The following FBXL20 variants were observed in gnomAD, a reference collection of about 807,000 sequenced individuals.
FBXL20 encodes the protein F-box/LRR-repeat protein 20.
Under a neutral mutation model 64.0 loss-of-function variants are expected in FBXL20, and 11 were observed. The ratio of observed to expected loss-of-function variants is 0.17; its 90% CI spans 0.11 to 0.28. The LOEUF is 0.28. Ranked by LOEUF, FBXL20 falls within the 10% of genes least tolerant of loss-of-function variation. FBXL20 has a pLI of 1.00. For missense variants in FBXL20, 303 were observed against 526.2 expected (o/e 0.58, Z 4.15); for synonymous variants, 184 against 189.0 (o/e 0.97, Z 0.22).
At chr17:39,276,310 G>A (rs921381285) in intron 9 of FBXL20, among the ~76,000 whole-genome samples, 1 of 146,454 alleles carries the variant, frequency 6.8e-6, no homozygotes, top group Non-Finnish European at 1.5e-5. Flanking sequence ...AAGAAAGGAA[G>A]AAAGAAAGAA....
intron 1 of FBXL20, among the ~76,000 whole-genome samples, chr17:39,379,408 C>A (rs943865394): frequency 6.9e-6 from 1 of 144,958 alleles, no homozygotes; most frequent in Admixed American, 7.1e-5. Flanking sequence ...GAGGCTGAGG[C>A]GAGGGGATCG....
intron 1 of FBXL20, among the ~76,000 whole-genome samples, chr17:39,395,040 G>A (rs748424664): frequency 6.6e-6 from 1 of 152,132 alleles, no homozygotes; most frequent in Non-Finnish European, 1.5e-5. Context: ...AAAAGAGATG[G>A]ATTTTTTTAA....
At chr17:39,355,353 C>T (rs2047725666) in intron 1 of FBXL20, among the ~76,000 whole-genome samples, 2 of 151,986 alleles carry the variant, frequency 1.3e-5, no homozygotes, top group Middle Eastern at 3.4e-3. Flanking sequence ...GCTGGGATTG[C>T]AGGCATGAGC....
At position 39,254,712 on chromosome 17, in the gene FBXL20, T is replaced by C. The variant is rs1241727999; in HGVS notation, c.*6748A>G. 6.5e-6 allele frequency: 1 copy of C among 154,540 alleles called. No individual in the cohort carries two copies. The highest frequency in any genetic ancestry group is 1.5e-5 in the Non-Finnish European group (1 of 68,216). The allele number at this position is 154,540 out of a possible 1,614,324, so 9.6% of individuals were successfully genotyped here. A position where few individuals can be genotyped will look rare whatever the true frequency, so the allele number is the denominator to read the frequency against. On this transcript the variant is annotated 3_prime_UTR_variant, in exon 15 of 15. Coordinates refer to ENST00000264658, the MANE Select transcript of FBXL20 (RefSeq NM_032875.3). ...CACTATGTATTCAAGACAGATGCTGTACCTGAGGCAAAGTACCCCAATTCT... is the reference window on the plus strand; with the variant it reads ...CACTATGTATTCAAGACAGATGCTGCACCTGAGGCAAAGTACCCCAATTCT...
intron 1 of FBXL20, among the ~76,000 whole-genome samples, chr17:39,364,353 C>T (rs922312901): frequency 1.3e-5 from 2 of 152,178 alleles, no homozygotes; most frequent in Non-Finnish European, 2.9e-5. Flanking sequence ...TGGCTCACGC[C>T]TGTAATCCCA....
At chr17:39,301,514 G>C (rs2047135084) in intron 3 of FBXL20, among the ~76,000 whole-genome samples, 1 of 151,568 alleles carries the variant, frequency 6.6e-6, no homozygotes, top group African/African-American at 2.4e-5. Context: ...GATCACCTGA[G>C]GTCAAGAGTT....
intron 1 of FBXL20, among the ~76,000 whole-genome samples, chr17:39,399,177 T>C (rs973394149): frequency 6.6e-6 from 1 of 151,030 alleles, no homozygotes; most frequent in South Asian, 2.1e-4. Context: ...TTAGCTATTA[T>C]GTGATATAAA....
At chr17:39,301,194 GCCCTATCCACTTACT>G (rs2047131294) in intron 3 of FBXL20, 119 bp from the exon 4 acceptor site, 1 of 791,280 alleles carries the variant, frequency 1.3e-6, no homozygotes, top group Non-Finnish European at 2.1e-6. Flanking sequence ...AATTTATCAG[GCCCTATCCACTTACT>G]CCCAAATGAT....
intron 1 of FBXL20, among the ~76,000 whole-genome samples, chr17:39,374,988 T>C (rs150016183): frequency 0.011 from 1,626 of 152,240 alleles, 29 homozygotes; most frequent in African/African-American, 0.038. Flanking sequence ...GGTTTCACCA[T>C]GTTGGCCAGG....
At chr17:39,286,808 A>AT (rs1366208546) in intron 6 of FBXL20, among the ~76,000 whole-genome samples, 4 of 151,504 alleles carry the variant, frequency 2.6e-5, no homozygotes, top group East Asian at 1.9e-4. Context: ...CAAAAAAAAA[A>AT]TTTTTTTTAT....
At chr17:39,271,586 A>C (rs2046844036) in intron 10 of FBXL20, among the ~76,000 whole-genome samples, 1 of 137,942 alleles carries the variant, frequency 7.2e-6, no homozygotes, top group African/African-American at 2.8e-5. Flanking sequence ...TGACAGAGCA[A>C]GGCTCCGACT....
chr17:39,316,335 G>A (rs1018305564), intron 2 of FBXL20, among the ~76,000 whole-genome samples: 1 of 151,596 alleles, frequency 6.6e-6, no homozygotes, highest in African/African-American at 2.4e-5. Context: ...TTCCCCCCGA[G>A]CTCTGTCTAC....
rs769634392 is a variant in FBXL20, at chr17:39,294,129, G to C, written c.398+2998C>G. On this transcript the variant is annotated intron_variant, in intron 6 of 14. Transcript: ENST00000264658. Reference sequence around the variant, plus strand: ...GGGCAGTTATTGTCACTGTGAGAAGGAGAAGTCTACTTGGATTTTTTTTTT... The same window carrying C: ...GGGCAGTTATTGTCACTGTGAGAAGCAGAAGTCTACTTGGATTTTTTTTTT... 7.9e-5 allele frequency among the ~76,000 whole-genome samples: 12 copies of C among 151,930 alleles called. No homozygotes were observed. In the South Asian group the frequency reaches 1.5e-3, roughly 18 times the overall value.
intron 1 of FBXL20, among the ~76,000 whole-genome samples, chr17:39,367,778 G>A (rs1408311474): frequency 6.6e-6 from 1 of 150,780 alleles, no homozygotes; most frequent in Admixed American, 6.6e-5. Flanking sequence ...TATATATTTT[G>A]AGAGTCTGGC....
chr17:39,383,677 C>T (rs182062138), intron 1 of FBXL20, among the ~76,000 whole-genome samples: 1 of 151,070 alleles, frequency 6.6e-6, no homozygotes, highest in East Asian at 2.0e-4. Flanking sequence ...GCAACCTCCG[C>T]CTCCCAGGTT....
In FBXL20 at chr17:39,401,580, G is replaced by C. The variant is rs906466655; in HGVS notation, c.-178C>G. 80 of 1,403,876 alleles carry C rather than the reference G, an allele frequency of 5.7e-5. No individual in the cohort carries two copies. The Admixed American group carries it at 1.8e-3, about 32-fold the overall frequency. 87.0% of individuals were successfully genotyped at this position (1,403,876 alleles called of 1,614,324 possible). ...CGGCTAGGCCTCCACCACCTCCCGC[G>C]GCGCCGGCGGCCGCAACGACTGCTC... On this transcript the variant is annotated 5_prime_UTR_variant, in exon 1 of 15. Transcript: ENST00000264658.
At chr17:39,263,754 G>A (rs1279534249) in intron 14 of FBXL20, 2 of 160,836 alleles carry the variant, frequency 1.2e-5, no homozygotes, top group Admixed American at 1.2e-4. Context: ...TAAAAAATAT[G>A]AATCCCAGGA....
chr17:39,343,163 T>G lies in FBXL20; in HGVS notation c.104+17A>C. 2 of 1,570,340 alleles carry G rather than the reference T, an allele frequency of 1.3e-6. No individual in the cohort carries two copies. Among genetic ancestry groups the G allele is most frequent in the Non-Finnish European group, 1.7e-6 (2 of 1,162,262 alleles). On this transcript the variant is annotated intron_variant, in intron 2 of 14. Transcript: ENST00000264658. The stretch of plus-strand genomic sequence containing the variant: ...CATACACATAAAAAAACCCATAAAA[T>G]TAGCATTCAGACTTACCGTAACAGG...
At chr17:39,288,242 C>T (rs889642766) in intron 6 of FBXL20, among the ~76,000 whole-genome samples, 7 of 152,142 alleles carry the variant, frequency 4.6e-5, no homozygotes, top group Admixed American at 2.0e-4. Context: ...GCTGGGATTG[C>T]ACACATGGTG....
Sources: gnomAD v4.1 joint callset for allele counts (sites outside exome capture counted in the v4.1 genomes callset) on GRCh38, gnomAD v4.1.1 for gene constraint, MANE v1.5 for transcripts, NCBI Gene and HGNC (gene_info 2026-07-23, HGNC 2026-07-21) for gene names.